The following BLOC1S2 variants were observed in gnomAD, a reference collection of about 807,000 sequenced individuals.
BLOC1S2 encodes biogenesis of lysosome-related organelles complex 1 subunit 2.
In BLOC1S2, 12 loss-of-function variants were observed where a neutral mutation model predicts 19.6. The observed-to-expected ratio is 0.61, with a 90% confidence interval of 0.39 to 0.99. The LOEUF (loss-of-function observed/expected upper bound fraction) is 0.99. BLOC1S2 is among the 50% of genes least tolerant of loss of function. The pLI is 0.00. For missense variants in BLOC1S2, 142 were observed against 171.0 expected, an observed-to-expected ratio of 0.83 and a Z score of 0.95; for synonymous variants, 66 against 64.1, an observed-to-expected ratio of 1.03 and a Z score of -0.14.
intron 2 of BLOC1S2, among the ~76,000 whole-genome samples, chr10:100,283,505 C>T (rs1037241960): frequency 1.3e-5 from 2 of 148,618 alleles, no homozygotes; most frequent in Non-Finnish European, 1.5e-5. Flanking sequence ...AATTATTGCT[C>T]ATCTCTCTCT....
intron 4 of BLOC1S2, among the ~76,000 whole-genome samples, chr10:100,277,099 A>C (rs1192001607): frequency 1.3e-5 from 2 of 148,740 alleles, no homozygotes; most frequent in East Asian, 4.0e-4. Context: ...GGAAGTGAGG[A>C]GCGTCTCTGC....
At chr10:100,280,388 A>T (rs922170173) in intron 3 of BLOC1S2, among the ~76,000 whole-genome samples, 160 bp from the exon 4 acceptor site, 1 of 152,242 alleles carries the variant, frequency 6.6e-6, no homozygotes, top group African/African-American at 2.4e-5. Flanking sequence ...ATGCTTTAGA[A>T]GACAGTAGCT....
intron 1 of BLOC1S2, 154 bp from the exon 2 acceptor site, chr10:100,286,367 C>T: frequency 6.9e-7 from 1 of 1,458,990 alleles, no homozygotes; most frequent in Non-Finnish European, 9.1e-7. Flanking sequence ...TGCGTCCCTG[C>T]CCATCTGACA....
At chr10:100,277,446 G>A (rs1455820756) in intron 4 of BLOC1S2, among the ~76,000 whole-genome samples, 2 of 144,758 alleles carry the variant, frequency 1.4e-5, no homozygotes, top group South Asian at 4.4e-4. Context: ...CACCCCGTCC[G>A]GGAGGGAGGT....
intron 3 of BLOC1S2, 148 bp from the exon 4 acceptor site, chr10:100,280,376 A>G (rs1937402675): frequency 1.6e-6 from 1 of 633,418 alleles, no homozygotes; most frequent in Non-Finnish European, 2.6e-6. Flanking sequence ...CTAGCAGGGC[A>G]GATGCTTTAG....
intron 2 of BLOC1S2, among the ~76,000 whole-genome samples, chr10:100,282,447 C>T (rs1287380468): frequency 6.6e-6 from 1 of 152,214 alleles, no homozygotes; most frequent in Non-Finnish European, 1.5e-5. Context: ...CCTCCTAAAC[C>T]TCTCCATTGT....
chr10:100,276,286 A>G (rs1473726194), intron 4 of BLOC1S2, among the ~76,000 whole-genome samples: 2 of 146,034 alleles, frequency 1.4e-5, no homozygotes, highest in Non-Finnish European at 3.1e-5. Flanking sequence ...AAACAAACTC[A>G]GGCCCGTCTC....
At chr10:100,283,194 T>A (rs1848152533) in intron 2 of BLOC1S2, among the ~76,000 whole-genome samples, 1 of 152,216 alleles carries the variant, frequency 6.6e-6, no homozygotes, top group Admixed American at 6.5e-5. Flanking sequence ...AATATCTACT[T>A]AAACAAGTCC....
rs1332309989 is a variant in BLOC1S2, at chr10:100,286,083, A to C, written c.172+14T>G. The C allele has an allele frequency of 1.2e-6, 2 of 1,613,016 alleles. No individual in the cohort carries two copies. Among genetic ancestry groups the C allele is most frequent in the Admixed American group, 3.3e-5 (2 of 59,886 alleles). ...GGCCAAACCGCACCCGAATCAACCC[A>C]GACCCCGCCTCACCCGTCAGTTCCC... On this transcript the variant is annotated intron_variant, in intron 2 of 4. Coordinates refer to ENST00000370372, the MANE Select transcript of BLOC1S2 (RefSeq NM_173809.5).
chr10:100,279,999 C>G, intron 4 of BLOC1S2, 125 bp downstream of exon 4: 1 of 498,826 alleles, frequency 2.0e-6, no homozygotes, highest in Admixed American at 3.9e-5. Context: ...TAATAAATTA[C>G]TAAGGTTTTG....
Position 100,286,106 on chromosome 10 carries a change from C to T in BLOC1S2, c.163G>A (p.Glu55Lys). 2 of 1,613,976 alleles carry T rather than the reference C, an allele frequency of 1.2e-6. No individual in the cohort carries two copies. Among genetic ancestry groups the T allele is most frequent in the Non-Finnish European group, 1.7e-6 (2 of 1,179,938 alleles). The change falls in exon 2 of 5, where the codon GAA becomes AAA. Residue 55 changes from glutamate to lysine, a missense_variant. Transcript: ENST00000370372. ...CCAGACCCCGCCTCACCCGTCAGTT[C>T]CCCAGTCAGGTAAGTGGCCATTTTG... is the stretch of plus-strand genomic sequence containing the variant. ...FSKMATYLTG[E>K]LTATSEDYKL... is the part of the protein sequence containing the mutation.
intron 4 of BLOC1S2, among the ~76,000 whole-genome samples, chr10:100,277,881 TG>T (rs1171226048): frequency 2.3e-5 from 2 of 85,662 alleles, no homozygotes; most frequent in Admixed American, 1.1e-4. Flanking sequence ...GGGAGGGAGG[TG>T]GGGGGGTCAG....
chr10:100,280,563 A>G (rs981859716), intron 3 of BLOC1S2, among the ~76,000 whole-genome samples: 1 of 152,262 alleles, frequency 6.6e-6, no homozygotes, highest in Non-Finnish European at 1.5e-5. Flanking sequence ...CACAAAAATA[A>G]TAAGTCAATG....
chr10:100,286,648 T>G lies in BLOC1S2; in HGVS notation c.12A>C (p.Ala4=), dbSNP rs910132381. ...TCCGGGTCGCCAGTACGCCCTCGGC[T>G]GCCGCCGCCATAGCGGACCCCGCGC... MAA[A]AEGVLATRSD... Residue 4 remains alanine, a synonymous_variant, in exon 1 of 5, where the codon GCA becomes GCC. Transcript: ENST00000370372. 6 of 1,609,810 alleles carry G rather than the reference T, an allele frequency of 3.7e-6. No homozygotes were observed. Among genetic ancestry groups the G allele is most frequent in the Admixed American group, 3.3e-5 (2 of 59,888 alleles).
chr10:100,281,380 A>G (rs1317074182), intron 2 of BLOC1S2, among the ~76,000 whole-genome samples: 1 of 152,164 alleles, frequency 6.6e-6, no homozygotes, highest in Non-Finnish European at 1.5e-5. Context: ...TTTAACTTAT[A>G]TACATATAAT....
chr10:100,282,924 T>C (rs1261612097), intron 2 of BLOC1S2: 2 of 398,612 alleles, frequency 5.0e-6, no homozygotes, highest in Admixed American at 4.4e-5. Context: ...AAGCTCTTCC[T>C]TGGCAATCTC....
intron 2 of BLOC1S2, among the ~76,000 whole-genome samples, chr10:100,283,602 G>A (rs913873522): frequency 6.6e-6 from 1 of 152,086 alleles, no homozygotes; most frequent in Admixed American, 6.6e-5. Context: ...TAGGCATTGC[G>A]CCTCATGCCT....
intron 4 of BLOC1S2, among the ~76,000 whole-genome samples, chr10:100,278,299 C>A (rs1316856183): frequency 2.6e-5 from 4 of 151,978 alleles, no homozygotes; most frequent in African/African-American, 9.7e-5. Context: ...GTGAGGAGCC[C>A]CTCTGCCCGG....
At chr10:100,280,649 CT>C (rs1848079672) in intron 3 of BLOC1S2, among the ~76,000 whole-genome samples, 1 of 152,102 alleles carries the variant, frequency 6.6e-6, no homozygotes, top group Non-Finnish European at 1.5e-5. Flanking sequence ...TAGAGTAATC[CT>C]TTATGGATTT....
Sources: gnomAD v4.1 joint callset for allele counts (sites outside exome capture counted in the v4.1 genomes callset) on GRCh38, gnomAD v4.1.1 for gene constraint, MANE v1.5 for transcripts, NCBI Gene and HGNC (gene_info 2026-07-23, HGNC 2026-07-21) for gene names.